The following SSPN variants were observed in gnomAD, a reference collection of about 807,000 sequenced individuals.
SSPN encodes the protein K-ras oncogene-associated protein.
Under a neutral mutation model 19.1 loss-of-function variants are expected in SSPN, and 15 were observed. The ratio of observed to expected loss-of-function variants is 0.78; its 90% CI spans 0.52 to 1.21. The LOEUF (loss-of-function observed/expected upper bound fraction) is 1.21. SSPN is among the 50% of genes most tolerant of loss of function. The pLI is 0.00. For synonymous variants in SSPN, 147 were observed against 140.3 expected, an observed-to-expected ratio of 1.05 and a Z score of -0.34; for missense variants, 291 against 314.0, an observed-to-expected ratio of 0.93 and a Z score of 0.55.
chr12:26,140,887 C>T (rs1189123674), intron 1 of SSPN, among the ~76,000 whole-genome samples: 1 of 152,192 alleles, frequency 6.6e-6, no homozygotes, highest in Non-Finnish European at 1.5e-5. Flanking sequence ...GGTCTTCCTG[C>T]CTTTCCTTTT....
At position 26,195,691 on chromosome 12, in the gene SSPN, C is replaced by CT. The variant is rs1487604214; in HGVS notation, c.19_20insT (p.Pro7LeufsTer106). The CT allele has an allele frequency of 8.6e-7, 1 of 1,156,884 alleles. No homozygotes were observed. The highest frequency in any genetic ancestry group is 7.7e-5 in the East Asian group (1 of 13,026). The allele number at this position is 1,156,884 out of a possible 1,614,324, so 71.7% of individuals were successfully genotyped here. ...CAGCGCCATGGGCAAGAACAAGCAGCCACGCGGCCAGCAGAGGCAGGGGGG... is the reference window on the plus strand; with the variant it reads ...CAGCGCCATGGGCAAGAACAAGCAGCTCACGCGGCCAGCAGAGGCAGGGGGG... On this transcript the variant is annotated frameshift_variant, in exon 1 of 3. Coordinates refer to ENST00000242729, the MANE Select transcript of SSPN (RefSeq NM_005086.5). LOFTEE classifies it high-confidence loss of function.
chr12:26,178,351 G>A (rs1944697650), intron 1 of SSPN, among the ~76,000 whole-genome samples: 1 of 152,124 alleles, frequency 6.6e-6, no homozygotes, highest in South Asian at 2.1e-4. Flanking sequence ...AAATGTATGT[G>A]TGTGTGTGTG....
chr12:26,151,446 A>G (rs1591851235), intron 1 of SSPN, among the ~76,000 whole-genome samples: 2 of 152,328 alleles, frequency 1.3e-5, no homozygotes, highest in East Asian at 1.9e-4. Context: ...CTGCCCCCTT[A>G]AAATCCTCAA....
At chr12:26,146,016 TG>T (rs1047138360) in intron 1 of SSPN, among the ~76,000 whole-genome samples, 17 of 152,244 alleles carry the variant, frequency 1.1e-4, no homozygotes, top group African/African-American at 4.1e-4. Context: ...ATTGACCTTT[TG>T]CTGTCCATGG....
At chr12:26,198,028 G>T (rs1319277370) in intron 1 of SSPN, among the ~76,000 whole-genome samples, 1 of 152,146 alleles carries the variant, frequency 6.6e-6, no homozygotes, top group Non-Finnish European at 1.5e-5. Context: ...CTCTGTCTGT[G>T]GTTGGTCACA....
At chr12:26,125,213 GC>G (rs1309264574) in intron 1 of SSPN, 1 of 271,530 alleles carries the variant, frequency 3.7e-6, no homozygotes, top group Admixed American at 4.9e-5. Flanking sequence ...CCTGATCAGG[GC>G]CACCGGAAAG....
chr12:26,140,556 C>T (rs55889673), intron 1 of SSPN, among the ~76,000 whole-genome samples: 31,450 of 152,050 alleles, frequency 0.21, 3,563 homozygotes, highest in East Asian at 0.31. Flanking sequence ...GAAAAGGGGC[C>T]GCGGGGGAAG....
intron 1 of SSPN, among the ~76,000 whole-genome samples, chr12:26,154,132 C>G (rs971280826): frequency 6.6e-6 from 1 of 152,202 alleles, no homozygotes; most frequent in East Asian, 1.9e-4. Context: ...TGAACCCGAG[C>G]AGTTGCTCAA....
intron 1 of SSPN, among the ~76,000 whole-genome samples, chr12:26,166,394 A>T (rs1944621389): frequency 6.6e-6 from 1 of 152,234 alleles, no homozygotes; most frequent in Non-Finnish European, 1.5e-5. Flanking sequence ...GAACTCGGAA[A>T]TGTAGCAACC....
intron 2 of SSPN, among the ~76,000 whole-genome samples, chr12:26,227,768 A>G (rs964115345): frequency 6.6e-6 from 1 of 152,210 alleles, no homozygotes; most frequent in African/African-American, 2.4e-5. Context: ...CATCATGCCA[A>G]GTTTACAGAT....
At chr12:26,166,090 G>A (rs754444785) in intron 1 of SSPN, among the ~76,000 whole-genome samples, 2 of 152,146 alleles carry the variant, frequency 1.3e-5, no homozygotes, top group African/African-American at 2.4e-5. Context: ...CATGAACACA[G>A]GGAGGGGAAC....
intron 1 of SSPN, among the ~76,000 whole-genome samples, chr12:26,201,047 T>TATAAA (rs1565685549): frequency 3.1e-3 from 157 of 50,924 alleles, no homozygotes; most frequent in African/African-American, 3.8e-3. Flanking sequence ...ATATATATAT[T>TATAAA]ATATATATAT....
Position 26,231,053 on chromosome 12 carries a change from G to A in SSPN, c.709G>A (p.Glu237Lys), listed in dbSNP as rs1392946076. 8.1e-6 allele frequency: 13 copies of A among 1,613,244 alleles called. No individual in the cohort carries two copies. Among genetic ancestry groups the A allele is most frequent in the East Asian group, 2.2e-5 (1 of 44,870 alleles). ...CAGGATATGCTCCCTCACGGCTTCC[G>A]AAGGCCCCCAGCAAAAGATCTAACA... ...GVRICSLTAS[E>K]GPQQKI Residue 237 changes from glutamate (E) to lysine (K), a missense_variant, in exon 3 of 3, where the codon GAA becomes AAA. Around this residue, in one of 3 missense-constraint regions of SSPN, gnomAD observed 141 missense variants for 166.7 expected, o/e 0.85. Coordinates refer to ENST00000242729, the MANE Select transcript of SSPN (RefSeq NM_005086.5).
chr12:26,221,292 A>G (rs773170924), intron 1 of SSPN, among the ~76,000 whole-genome samples: 1 of 152,196 alleles, frequency 6.6e-6, no homozygotes, highest in Non-Finnish European at 1.5e-5. Flanking sequence ...GGAAGTTTTC[A>G]TCAGGGTAGT....
chr12:26,219,082 G>C (rs1051487565), intron 1 of SSPN, among the ~76,000 whole-genome samples: 2 of 152,118 alleles, frequency 1.3e-5, no homozygotes, highest in African/African-American at 4.8e-5. Flanking sequence ...GATGAAACGG[G>C]GGTAAGGAAG....
At chr12:26,148,453 AAC>A (rs1262380306) in intron 1 of SSPN, among the ~76,000 whole-genome samples, 7 of 152,250 alleles carry the variant, frequency 4.6e-5, no homozygotes, top group African/African-American at 7.2e-5. Context: ...GATAAAGATG[AAC>A]AAGGCAGGCT....
intron 1 of SSPN, among the ~76,000 whole-genome samples, chr12:26,161,652 G>A (rs1944589784): frequency 6.6e-6 from 1 of 152,106 alleles, no homozygotes; most frequent in South Asian, 2.1e-4. Context: ...CTTTTGCTCA[G>A]GTGCCTAGAA....
chr12:26,192,932 A>G (rs1555178856), upstream of SSPN, among the ~76,000 whole-genome samples: 1 of 152,220 alleles, frequency 6.6e-6, no homozygotes, highest in Non-Finnish European at 1.5e-5. Context: ...ACTTACATAT[A>G]ATTTAAGGTT....
chr12:26,230,688 G>A, intron 2 of SSPN, 23 bp from the exon 3 acceptor site: 1 of 1,578,960 alleles, frequency 6.3e-7, no homozygotes, highest in Non-Finnish European at 8.6e-7. Flanking sequence ...TAACCAGAAA[G>A]GTTTTCTTCT....
Sources: gnomAD v4.1 joint callset for allele counts (sites outside exome capture counted in the v4.1 genomes callset) on GRCh38, gnomAD v4.1.1 for gene constraint, gnomAD v4.1.1 regional missense constraint, MANE v1.5 for transcripts, NCBI Gene and HGNC (gene_info 2026-07-23, HGNC 2026-07-21) for gene names.